FSHR: variants seen among roughly 807,000 people sequenced by gnomAD.
FSHR encodes follicle stimulating hormone receptor, also known as follicle-stimulating hormone receptor.
Under a neutral mutation model 52.1 loss-of-function variants are expected in FSHR, and 46 were observed. That is an observed-to-expected ratio of 0.88 (90% CI 0.70 to 1.13). The LOEUF is 1.13. Ranked by LOEUF, FSHR falls within the 50% of genes most tolerant of loss-of-function variation. The pLI, the probability that FSHR is intolerant of heterozygous loss-of-function variation, is 0.00. For synonymous variants in FSHR, 399 were observed against 309.6 expected, an observed-to-expected ratio of 1.29 and a Z score of -3.03; for missense variants, 964 against 834.6, an observed-to-expected ratio of 1.16 and a Z score of -1.91.
intron 6 of FSHR, among the ~76,000 whole-genome samples, chr2:48,987,686 G>C (rs1675574042): frequency 6.6e-6 from 1 of 151,754 alleles, no homozygotes; most frequent in Non-Finnish European, 1.5e-5. Flanking sequence ...TTTAACCCTC[G>C]CATCACAGAC....
intron 2 of FSHR, among the ~76,000 whole-genome samples, chr2:49,055,958 T>C (rs908433201): frequency 6.6e-6 from 1 of 151,900 alleles, no homozygotes; most frequent in Admixed American, 6.6e-5. Flanking sequence ...CATGACAACA[T>C]GCAAAACTCT....
chr2:49,030,894 A>G (rs566969476), intron 2 of FSHR, among the ~76,000 whole-genome samples: 1 of 152,274 alleles, frequency 6.6e-6, no homozygotes, highest in East Asian at 1.9e-4. Context: ...AGGGACCTGC[A>G]AGGTCAGGAA....
intron 4 of FSHR, among the ~76,000 whole-genome samples, chr2:48,995,280 G>A (rs1675974407): frequency 6.6e-6 from 1 of 152,110 alleles, no homozygotes; most frequent in Non-Finnish European, 1.5e-5. Flanking sequence ...ACTCAGAATG[G>A]TCTGGTGGAA....
intron 1 of FSHR, among the ~76,000 whole-genome samples, chr2:49,142,122 A>G (rs952767342): frequency 1.1e-4 from 16 of 152,256 alleles, no homozygotes; most frequent in African/African-American, 3.9e-4. Context: ...CAACTCATAT[A>G]TGTATTGAGT....
chr2:49,090,150 T>C (rs1670551200), intron 1 of FSHR, among the ~76,000 whole-genome samples: 1 of 151,126 alleles, frequency 6.6e-6, no homozygotes, highest in Non-Finnish European at 1.5e-5. Flanking sequence ...TGTGTGTGTG[T>C]GTGCATGTGT....
At chr2:49,010,565 T>G (rs1295959030) in intron 4 of FSHR, among the ~76,000 whole-genome samples, 9 of 151,670 alleles carry the variant, frequency 5.9e-5, no homozygotes, top group East Asian at 2.0e-4. Context: ...GGAGGATTCC[T>G]TCTTTTTCTA....
intron 1 of FSHR, among the ~76,000 whole-genome samples, chr2:49,120,882 G>A (rs75158303): frequency 0.016 from 2,501 of 152,204 alleles, 73 homozygotes; most frequent in African/African-American, 0.057. Flanking sequence ...TATTATATCC[G>A]TACAGGTTGA....
At chr2:49,146,616 A>C (rs1672880943) in intron 1 of FSHR, among the ~76,000 whole-genome samples, 3 of 152,056 alleles carry the variant, frequency 2.0e-5, no homozygotes, top group Admixed American at 2.0e-4. Context: ...AGATCAGAGG[A>C]GCGCAAGGAT....
Position 49,127,219 on chromosome 2 carries a change from T to G in FSHR, c.152+27047A>C, listed in dbSNP as rs534202020. Among the ~76,000 whole-genome samples, 11 of 151,920 alleles carry G rather than the reference T, an allele frequency of 7.2e-5. No homozygotes were observed. In the East Asian group the frequency reaches 2.1e-3, roughly 29 times the overall value. On this transcript the variant is annotated intron_variant, in intron 1 of 9. Transcript: ENST00000406846. The stretch of plus-strand genomic sequence containing the variant: ...GGTGTGCACCTGTAATCCCAGCTAC[T>G]TGGGAGGCTGAGGCAGGAGAATCGC...
At chr2:49,102,125 G>A (rs1350251910) in intron 1 of FSHR, among the ~76,000 whole-genome samples, 2 of 152,168 alleles carry the variant, frequency 1.3e-5, no homozygotes, top group African/African-American at 4.8e-5. Context: ...ATGATGGGCA[G>A]TGCAGAGGGC....
chr2:49,137,816 C>T (rs559572753), intron 1 of FSHR, among the ~76,000 whole-genome samples: 102 of 152,092 alleles, frequency 6.7e-4, no homozygotes, highest in African/African-American at 2.4e-3. Flanking sequence ...TGGATAAAAA[C>T]CCACAGGTAA....
intron 1 of FSHR, among the ~76,000 whole-genome samples, chr2:49,120,694 C>T (rs952876004): frequency 2.7e-4 from 38 of 142,004 alleles, no homozygotes; most frequent in African/African-American, 8.1e-4. Flanking sequence ...ACCAATTATA[C>T]TTTGGACATA....
chr2:48,963,784 C>A lies in FSHR; in HGVS notation c.1037G>T (p.Cys346Phe). Reference sequence around the variant, plus strand: ...GTTGAATGCATCTGGCTTAGGGGAGCAGGTCACGTCAACCACTTCATTGCA... The same window carrying A: ...GTTGAATGCATCTGGCTTAGGGGAGAAGGTCACGTCAACCACTTCATTGCA... ...DLCNEVVDVT[C>F]SPKPDAFNPC... Residue 346 changes from cysteine to phenylalanine, a missense_variant, in exon 10 of 10, where the codon TGC becomes TTC. Physicochemically the swap from Cys to Phe is radical, Grantham distance 205 (BLOSUM62 -2). Coordinates refer to ENST00000406846, the MANE Select transcript of FSHR (RefSeq NM_000145.4). The A allele has an allele frequency of 6.2e-7, 1 of 1,614,102 alleles. No individual in the cohort carries two copies. The highest frequency in any genetic ancestry group is 8.5e-7 in the Non-Finnish European group (1 of 1,179,994).
intron 5 of FSHR, 133 bp downstream of exon 5, chr2:48,990,433 C>T (rs568458921): frequency 4.1e-6 from 3 of 733,158 alleles, no homozygotes; most frequent in South Asian, 1.5e-5. Context: ...CTTCTGGCCT[C>T]CCTATCTTTG....
At chr2:48,980,896 A>G (rs1286259015) in intron 8 of FSHR, among the ~76,000 whole-genome samples, 2 of 152,168 alleles carry the variant, frequency 1.3e-5, no homozygotes, top group Non-Finnish European at 2.9e-5. Context: ...AAGATGCTAT[A>G]GATTCAATAT....
chr2:49,024,662 C>T (rs896053766), intron 2 of FSHR, among the ~76,000 whole-genome samples: 2 of 152,072 alleles, frequency 1.3e-5, no homozygotes, highest in African/African-American at 4.8e-5. Context: ...GATAAAGTCC[C>T]CCTCTGGGTC....
intron 3 of FSHR, among the ~76,000 whole-genome samples, chr2:49,019,510 G>A (rs952554724): frequency 3.9e-5 from 6 of 152,198 alleles, no homozygotes; most frequent in African/African-American, 1.4e-4. Context: ...AATTTGGCTG[G>A]AGTAGTAGAG....
chr2:49,066,504 A>G (rs995166322), intron 2 of FSHR, among the ~76,000 whole-genome samples: 5 of 152,086 alleles, frequency 3.3e-5, no homozygotes, highest in African/African-American at 1.2e-4. Flanking sequence ...GCCCTCTGCT[A>G]GAAAATGCTT....
intron 8 of FSHR, among the ~76,000 whole-genome samples, chr2:48,973,323 G>A (rs770568198): frequency 2.6e-5 from 4 of 152,020 alleles, no homozygotes; most frequent in Non-Finnish European, 5.9e-5. Context: ...AAACACAGAT[G>A]TGTGAGGCAC....
Sources: allele counts gnomAD v4.1 joint callset (sites outside exome capture counted in the v4.1 genomes callset), GRCh38; gene constraint gnomAD v4.1.1; transcripts MANE v1.5; gene names NCBI Gene and HGNC (gene_info 2026-07-23, HGNC 2026-07-21).